ITSN1: variants seen among roughly 807,000 people sequenced by gnomAD.
ITSN1 encodes intersectin 1.
Under a neutral mutation model 239.8 loss-of-function variants are expected in ITSN1, and 58 were observed. The ratio of observed to expected loss-of-function variants is 0.24; its 90% CI spans 0.20 to 0.30. The LOEUF is 0.30. Among genes scored for constraint, ITSN1 ranks in the 10% least tolerant of loss-of-function variants. The pLI is 1.00. For synonymous variants in ITSN1, 780 were observed against 770.8 expected (o/e 1.01, Z -0.20); for missense variants, 1,558 against 2,103.3 (o/e 0.74, Z 5.07).
intron 31 of ITSN1, among the ~76,000 whole-genome samples, chr21:33,860,675 T>A (rs1158689900): frequency 1.3e-5 from 2 of 152,106 alleles, no homozygotes; most frequent in African/African-American, 4.8e-5. Flanking sequence ...AGAGGCTGAG[T>A]GACTTCCCTA....
At position 33,888,495 on chromosome 21, in the gene ITSN1, A is replaced by G. The variant is rs1319121044; in HGVS notation, c.*195A>G. 3.4e-6 allele frequency: 2 copies of G among 596,392 alleles called. No homozygotes were observed. The highest frequency in any genetic ancestry group is 5.8e-6 in the Non-Finnish European group (2 of 345,938). 36.9% of individuals were successfully genotyped at this position (596,392 alleles called of 1,614,324 possible). ...CTGCCCCGAAACAATTTCCTGTTTC[A>G]TGAAACAAAGCTGTGTTTTCCTTTG... is the stretch of plus-strand genomic sequence containing the variant. On this transcript the variant is annotated 3_prime_UTR_variant, in exon 40 of 40. Transcript: ENST00000381318.
At chr21:33,854,170 A>G (rs573070332) in intron 29 of ITSN1, among the ~76,000 whole-genome samples, 47 of 152,342 alleles carry the variant, frequency 3.1e-4, no homozygotes, top group African/African-American at 1.0e-3. Context: ...GCAAGAACCC[A>G]TAACTTCCCT....
chr21:33,790,254 T>A (rs188280328), intron 16 of ITSN1, among the ~76,000 whole-genome samples: 123 of 151,682 alleles, frequency 8.1e-4, no homozygotes, highest in East Asian at 4.8e-3. Context: ...TGTGATTTTT[T>A]AAAAAAAACT....
chr21:33,708,032 A>G (rs77928202), intron 1 of ITSN1, among the ~76,000 whole-genome samples: 8,396 of 152,238 alleles, frequency 0.055, 779 homozygotes, highest in African/African-American at 0.19. Context: ...CATCCTCACC[A>G]ACACTAGATG....
intron 35 of ITSN1, 110 bp from the exon 36 acceptor site, chr21:33,883,440 C>T: frequency 1.4e-6 from 2 of 1,436,640 alleles, no homozygotes; most frequent in Non-Finnish European, 1.9e-6. Context: ...CGCTGACTTG[C>T]AGTCTCGTTT....
Position 33,865,145 on chromosome 21 carries a change from G to C in ITSN1, c.3891-6G>C, listed in dbSNP as rs757339162. The C allele has an allele frequency of 1.2e-6, 2 of 1,610,322 alleles. No homozygotes were observed. The highest frequency in any genetic ancestry group is 1.7e-6 in the Non-Finnish European group (2 of 1,177,708). On this transcript the variant is annotated splice_region_variant and splice_polypyrimidine_tract_variant and intron_variant, in intron 31 of 39. Transcript: ENST00000381318. This position sits in a 1 kb window ranked among gnomAD's most constrained non-coding sequence, Gnocchi z 4.4. ...CAGGGGGCTCACCTCCCGTGTTTCC[G>C]TGCAGAGCGCTGAGAGTCCGCAAGA...
intron 16 of ITSN1, among the ~76,000 whole-genome samples, chr21:33,783,339 G>A (rs1328500206): frequency 1.3e-5 from 2 of 152,170 alleles, no homozygotes; most frequent in African/African-American, 2.4e-5. Context: ...AGGCCAAATT[G>A]TCTAGACATC....
At chr21:33,709,265 T>G (rs2092342019) in intron 1 of ITSN1, among the ~76,000 whole-genome samples, 1 of 152,188 alleles carries the variant, frequency 6.6e-6, no homozygotes, top group Non-Finnish European at 1.5e-5. Context: ...AGTATCTTAG[T>G]ACCATTTATT....
At chr21:33,862,372 G>T (rs1980782342) in intron 31 of ITSN1, among the ~76,000 whole-genome samples, 1 of 151,974 alleles carries the variant, frequency 6.6e-6, no homozygotes. Context: ...TAAGAAGAAT[G>T]GATTCCATTT....
At chr21:33,853,325 T>C (rs564420162) in intron 29 of ITSN1, among the ~76,000 whole-genome samples, 13 of 152,346 alleles carry the variant, frequency 8.5e-5, no homozygotes, top group African/African-American at 3.1e-4. Context: ...CAGCTCTGAC[T>C]TGGGCCTTGC....
chr21:33,863,431 G>C (rs1436733925), intron 31 of ITSN1, among the ~76,000 whole-genome samples: 2 of 152,226 alleles, frequency 1.3e-5, no homozygotes, highest in Non-Finnish European at 2.9e-5. Flanking sequence ...CAAGGTGGGT[G>C]GATCACTTGA....
At chr21:33,772,404 C>T (rs2069238438) in intron 12 of ITSN1, 81 bp downstream of exon 12, 10 of 1,466,200 alleles carry the variant, frequency 6.8e-6, no homozygotes. Context: ...CTATTCACGC[C>T]ATCTTTGTCT....
chr21:33,643,151 C>T (rs912674532), intron 1 of ITSN1, among the ~76,000 whole-genome samples: 38 of 151,756 alleles, frequency 2.5e-4, no homozygotes, highest in Admixed American at 1.7e-3. Flanking sequence ...TCCCGGGGAC[C>T]CGCGTTGGCG....
intron 29 of ITSN1, among the ~76,000 whole-genome samples, chr21:33,847,863 TCTC>T (rs2075033347): frequency 6.6e-6 from 1 of 152,164 alleles, no homozygotes; most frequent in African/African-American, 2.4e-5. Context: ...TTTCCTCTGA[TCTC>T]CTGGCTGTAC....
chr21:33,795,364 A>G (rs1391889247), intron 17 of ITSN1, among the ~76,000 whole-genome samples: 1 of 152,136 alleles, frequency 6.6e-6, no homozygotes, highest in African/African-American at 2.4e-5. Flanking sequence ...CAGGAGGATC[A>G]CTTGAACCCG....
At chr21:33,773,274 C>T (rs1032604516) in intron 12 of ITSN1, among the ~76,000 whole-genome samples, 5 of 152,078 alleles carry the variant, frequency 3.3e-5, no homozygotes, top group Admixed American at 1.3e-4. Flanking sequence ...TCCCAAAGTG[C>T]TGGGATTACA....
chr21:33,808,029 C>CA (rs929005788), intron 20 of ITSN1, among the ~76,000 whole-genome samples: 5 of 150,118 alleles, frequency 3.3e-5, no homozygotes, highest in East Asian at 2.0e-4. Context: ...ACTAAAAATA[C>CA]AAAAAAAATT....
In ITSN1 at chr21:33,750,123, G is replaced by T; in HGVS notation, c.347-20G>T. 2 of 1,611,652 alleles carry T rather than the reference G, an allele frequency of 1.2e-6. No individual in the cohort carries two copies. The highest frequency in any genetic ancestry group is 1.7e-6 in the Non-Finnish European group (2 of 1,178,374). ...AATGTGATTGGATGTGAATGGTGTT[G>T]AGCTGTTTTTTCTTCATAGGTATGG... On this transcript the variant is annotated intron_variant, in intron 5 of 39. Coordinates refer to ENST00000381318, the MANE Select transcript of ITSN1 (RefSeq NM_003024.3).
chr21:33,804,179 T>C (rs1004171882), intron 20 of ITSN1, among the ~76,000 whole-genome samples: 2 of 152,202 alleles, frequency 1.3e-5, no homozygotes, highest in South Asian at 2.1e-4. Flanking sequence ...CTTTGGGACA[T>C]AGCTTACTAT....
Sources: gnomAD v4.1 joint callset for allele counts (sites outside exome capture counted in the v4.1 genomes callset) on GRCh38, gnomAD v4.1.1 for gene constraint, Gnocchi (gnomAD v3.1) non-coding constraint, MANE v1.5 for transcripts, NCBI Gene and HGNC (gene_info 2026-07-23, HGNC 2026-07-21) for gene names.